USP10: variants seen among roughly 807,000 people sequenced by gnomAD.
USP10 encodes ubiquitin carboxyl-terminal hydrolase 10.
USP10 carries 22 observed loss-of-function variants against 84.5 expected under a neutral mutation model. That is an observed-to-expected ratio of 0.26 (90% CI 0.19 to 0.37). USP10 has a LOEUF of 0.37. Ranked by LOEUF, USP10 falls within the 10% of genes least tolerant of loss-of-function variation. The pLI is 1.00. For synonymous variants in USP10, 454 were observed against 387.6 expected, an observed-to-expected ratio of 1.17 and a Z score of -2.01; for missense variants, 1,019 against 998.9, an observed-to-expected ratio of 1.02 and a Z score of -0.27.
At chr16:84,767,935 G>C (rs1914040135) in intron 10 of USP10, among the ~76,000 whole-genome samples, 1 of 152,154 alleles carries the variant, frequency 6.6e-6, no homozygotes, top group Non-Finnish European at 1.5e-5. Context: ...GCCTTCCGCA[G>C]TGTTTGTGTC....
chr16:84,752,229 AC>A (rs1437083106), intron 4 of USP10, among the ~76,000 whole-genome samples: 1 of 152,206 alleles, frequency 6.6e-6, no homozygotes, highest in Non-Finnish European at 1.5e-5. Flanking sequence ...AACTCCTGTG[AC>A]AAAGATGGAC....
At chr16:84,747,326 T>C (rs1416211032) in intron 4 of USP10, among the ~76,000 whole-genome samples, 1 of 152,188 alleles carries the variant, frequency 6.6e-6, no homozygotes, top group South Asian at 2.1e-4. Context: ...AGCTGCCAAA[T>C]GCACACCCTT....
intron 13 of USP10, among the ~76,000 whole-genome samples, chr16:84,778,653 A>G (rs1053487204): frequency 3.3e-5 from 5 of 152,176 alleles, no homozygotes; most frequent in African/African-American, 1.2e-4. Context: ...ATATGCGTAC[A>G]TGCACACATG....
At chr16:84,743,371 G>A (rs954975774) in intron 3 of USP10, among the ~76,000 whole-genome samples, 3 of 152,058 alleles carry the variant, frequency 2.0e-5, no homozygotes, top group Non-Finnish European at 2.9e-5. Flanking sequence ...AGGAGGCCTC[G>A]GGAGGCTGTG....
rs577960485 is a variant in USP10 at position 84,708,816 on chromosome 16, A to G, written c.21+8705A>G. 3 of 152,352 alleles carry G rather than the reference A, an allele frequency of 2.0e-5. No individual in the cohort carries two copies. In the East Asian group the frequency reaches 5.8e-4, roughly 29 times the overall value. 9.4% of individuals were successfully genotyped at this position (152,352 alleles called of 1,614,324 possible). Reference sequence around the variant, plus strand: ...TTAGAATTAATTTGTAGAATACTAGACACTTTTTTCAGAACCACATATGAA... The same window carrying G: ...TTAGAATTAATTTGTAGAATACTAGGCACTTTTTTCAGAACCACATATGAA... On this transcript the variant is annotated intron_variant, in intron 1 of 13. Transcript: ENST00000219473.
At position 84,723,146 on chromosome 16, in the gene USP10, G is replaced by GTT. The variant is rs36122502; in HGVS notation, c.22-10277_22-10276dup. Among the ~76,000 whole-genome samples the GTT allele has an allele frequency of 7.7e-5, 11 of 142,104 alleles. No homozygotes were observed. The East Asian group carries it at 1.6e-3, about 21-fold the overall frequency. The allele number at this position is 142,104 out of a possible 152,430, so 93.2% of individuals were successfully genotyped here. A position where few individuals can be genotyped will look rare whatever the true frequency, so the allele number is the denominator to read the frequency against. Reference sequence around the variant, plus strand: ...CCGATACCTTCTGATCACATCCAGGGTTTTTTTTTTTTTGGCCTTTTTTCC... The same window carrying GTT: ...CCGATACCTTCTGATCACATCCAGGGTTTTTTTTTTTTTTTGGCCTTTTTTCC... On this transcript the variant is annotated intron_variant, in intron 1 of 13. Transcript: ENST00000219473.
chr16:84,747,980 G>A (rs978770518), intron 4 of USP10, among the ~76,000 whole-genome samples: 2 of 151,398 alleles, frequency 1.3e-5, no homozygotes, highest in East Asian at 2.0e-4. Flanking sequence ...GTGAAACCCC[G>A]TCTCTACTAA....
intron 11 of USP10, among the ~76,000 whole-genome samples, chr16:84,769,628 T>G (rs999409934): frequency 6.6e-6 from 1 of 152,106 alleles, no homozygotes; most frequent in Admixed American, 6.6e-5. Context: ...CAGCTGCAAC[T>G]CCAGAGATAG....
chr16:84,777,758 C>G (rs1915168517), intron 13 of USP10, among the ~76,000 whole-genome samples: 1 of 152,130 alleles, frequency 6.6e-6, no homozygotes, highest in Admixed American at 6.5e-5. Flanking sequence ...ACAACTGCGA[C>G]TAGAACCTGG....
chr16:84,760,830 C>T (rs1913123983), intron 8 of USP10, among the ~76,000 whole-genome samples: 1 of 152,148 alleles, frequency 6.6e-6, no homozygotes, highest in Non-Finnish European at 1.5e-5. Flanking sequence ...CCGCCCTTAG[C>T]ACCGTTAACT....
At chr16:84,708,849 A>G (rs1394331469) in intron 1 of USP10, 1 of 152,218 alleles carries the variant, frequency 6.6e-6, no homozygotes, top group Non-Finnish European at 1.5e-5. Flanking sequence ...GAAGGACTTT[A>G]TATCTTTTGT....
chr16:84,731,921 A>G (rs891722991), intron 1 of USP10, among the ~76,000 whole-genome samples: 4 of 152,140 alleles, frequency 2.6e-5, no homozygotes, highest in African/African-American at 9.7e-5. Flanking sequence ...GTAACCTTCT[A>G]TATTCTTCAC....
At chr16:84,746,842 A>G (rs1278906135) in intron 4 of USP10, among the ~76,000 whole-genome samples, 1 of 152,228 alleles carries the variant, frequency 6.6e-6, no homozygotes, top group Non-Finnish European at 1.5e-5. Context: ...TAAAAATTCT[A>G]AACTTTTTGA....
chr16:84,707,648 T>A (rs1905709364), intron 1 of USP10, among the ~76,000 whole-genome samples: 1 of 152,248 alleles, frequency 6.6e-6, no homozygotes, highest in South Asian at 2.1e-4. Flanking sequence ...TTCTTAGGTT[T>A]ACCTAATTTT....
chr16:84,705,238 G>GT (rs559337982), intron 1 of USP10, among the ~76,000 whole-genome samples: 5,231 of 143,654 alleles, frequency 0.036, 102 homozygotes, highest in African/African-American at 0.06. Flanking sequence ...TTTTTTGTTT[G>GT]TTTTTTTTTT....
intron 13 of USP10, among the ~76,000 whole-genome samples, chr16:84,778,014 A>G (rs1384772594): frequency 6.6e-6 from 1 of 151,076 alleles, no homozygotes; most frequent in East Asian, 1.9e-4. Flanking sequence ...TGTTTTCATG[A>G]CATCTTCTAC....
At chr16:84,765,437 C>T (rs1850984864) in intron 10 of USP10, among the ~76,000 whole-genome samples, 1 of 151,908 alleles carries the variant, frequency 6.6e-6, no homozygotes, top group Admixed American at 6.6e-5. Flanking sequence ...CACTCGCCAC[C>T]CCTAGGAACC....
chr16:84,719,598 A>G (rs1907521755), intron 1 of USP10, among the ~76,000 whole-genome samples: 1 of 152,204 alleles, frequency 6.6e-6, no homozygotes, highest in African/African-American at 2.4e-5. Context: ...GGTGAGTACC[A>G]CCGCGGATTG....
intron 1 of USP10, among the ~76,000 whole-genome samples, chr16:84,721,527 G>C (rs1907810437): frequency 6.6e-6 from 1 of 152,118 alleles, no homozygotes; most frequent in South Asian, 2.1e-4. Flanking sequence ...GCAGTTCGAG[G>C]TTTTTTGTCT....
Sources: allele counts gnomAD v4.1 joint callset (sites outside exome capture counted in the v4.1 genomes callset), GRCh38; gene constraint gnomAD v4.1.1; transcripts MANE v1.5; gene names NCBI Gene and HGNC (gene_info 2026-07-23, HGNC 2026-07-21).